Variants in TRHDE observed in about 807,000 individuals in gnomAD.
TRHDE encodes thyrotropin-releasing hormone-degrading ectoenzyme.
In TRHDE, 72 loss-of-function variants were observed where a neutral mutation model predicts 125.7. That is an observed-to-expected ratio of 0.57 (90% confidence interval 0.47 to 0.70). The LOEUF (loss-of-function observed/expected upper bound fraction) is 0.70. Ranked by LOEUF, TRHDE falls within the 30% of genes least tolerant of loss-of-function variation. The pLI is 0.00. For missense variants in TRHDE, 1,110 were observed against 1,327.1 expected (o/e 0.84, Z 2.54); for synonymous variants, 509 against 509.1 (o/e 1.00, Z 0.00).
intron 2 of TRHDE, among the ~76,000 whole-genome samples, chr12:72,295,285 G>C (rs577019159): frequency 7.2e-5 from 11 of 152,214 alleles, no homozygotes; most frequent in Admixed American, 6.5e-4. Context: ...CAGGGCTCCT[G>C]CTTGTCCCTG....
chr12:72,291,219 C>G (rs559548867), intron 2 of TRHDE, among the ~76,000 whole-genome samples: 25 of 152,268 alleles, frequency 1.6e-4, no homozygotes, highest in Non-Finnish European at 1.5e-5. Context: ...ACGAAAGATA[C>G]AAGCTACCTT....
At chr12:72,108,005 C>T (rs553175708) in intron 2 of TRHDE, among the ~76,000 whole-genome samples, 1 of 152,112 alleles carries the variant, frequency 6.6e-6, no homozygotes, top group East Asian at 1.9e-4. Context: ...TTTCACAGTT[C>T]AAGTACAAAT....
chr12:72,185,094 G>A (rs1193391824), intron 2 of TRHDE, among the ~76,000 whole-genome samples: 2 of 152,206 alleles, frequency 1.3e-5, no homozygotes, highest in Admixed American at 1.3e-4. Flanking sequence ...GCCAGCTGGA[G>A]TTCTGGGTGG....
chr12:72,391,401 A>G (rs1002390884), intron 3 of TRHDE, among the ~76,000 whole-genome samples: 17 of 152,170 alleles, frequency 1.1e-4, no homozygotes, highest in Admixed American at 7.2e-4. Context: ...AAGCTTTTTA[A>G]AGGGTGATTT....
At chr12:72,140,383 C>G (rs1876085633) in intron 2 of TRHDE, 1 of 152,360 alleles carries the variant, frequency 6.6e-6, no homozygotes, top group African/African-American at 2.4e-5. Context: ...TGGAATCCAC[C>G]CCCACCCCCG....
At chr12:72,212,085 G>T (rs7315442) in intron 2 of TRHDE, among the ~76,000 whole-genome samples, 17,900 of 152,006 alleles carry the variant, frequency 0.12, 1,841 homozygotes, top group African/African-American at 0.28. Flanking sequence ...TAAACCAGCA[G>T]GCTAGAAGTA....
At position 72,652,997 on chromosome 12, in the gene TRHDE, C is replaced by T. The variant is rs1345206709; in HGVS notation, c.2844-19C>T. 1 of 1,577,970 alleles carries T rather than the reference C, an allele frequency of 6.3e-7. No individual in the cohort carries two copies. Among genetic ancestry groups the T allele is most frequent in the Non-Finnish European group, 8.6e-7 (1 of 1,165,798 alleles). On this transcript the variant is annotated intron_variant, in intron 16 of 18. Coordinates refer to ENST00000261180, the MANE Select transcript of TRHDE (RefSeq NM_013381.3). Reference sequence around the variant, plus strand: ...TAAGTTATTGGACTAAAAATTTTTACAAAATTCTATCTTTGAAGGCTTCTA... The same window carrying T: ...TAAGTTATTGGACTAAAAATTTTTATAAAATTCTATCTTTGAAGGCTTCTA...
At chr12:72,098,888 G>A (rs1267738590) in intron 1 of TRHDE, among the ~76,000 whole-genome samples, 1 of 152,136 alleles carries the variant, frequency 6.6e-6, no homozygotes, top group East Asian at 1.9e-4. Context: ...ATCACTGTCT[G>A]GGCTTCGTGG....
At chr12:72,636,301 G>A (rs1036829677) in intron 15 of TRHDE, among the ~76,000 whole-genome samples, 8 of 150,468 alleles carry the variant, frequency 5.3e-5, no homozygotes, top group East Asian at 1.9e-4. Flanking sequence ...TTGGCTCTCT[G>A]TTTGTCTGTT....
intron 6 of TRHDE, among the ~76,000 whole-genome samples, chr12:72,514,553 G>T (rs1386933508): frequency 1.3e-5 from 2 of 151,506 alleles, no homozygotes; most frequent in Non-Finnish European, 2.9e-5. Flanking sequence ...TTATGCAGGA[G>T]ACATAAAGAT....
chr12:72,439,384 T>C (rs1303520440), intron 3 of TRHDE, among the ~76,000 whole-genome samples: 1 of 151,948 alleles, frequency 6.6e-6, no homozygotes, highest in Non-Finnish European at 1.5e-5. Flanking sequence ...ATAAATTGCT[T>C]TGAGTAATAT....
chr12:72,323,086 C>T (rs1358342245), intron 2 of TRHDE, among the ~76,000 whole-genome samples: 1 of 152,046 alleles, frequency 6.6e-6, no homozygotes, highest in Non-Finnish European at 1.5e-5. Flanking sequence ...ATTTAGTGCT[C>T]ATGTGGTTCC....
At chr12:72,131,332 A>G (rs1458282541) in intron 2 of TRHDE, among the ~76,000 whole-genome samples, 2 of 151,826 alleles carry the variant, frequency 1.3e-5, no homozygotes, top group Admixed American at 6.6e-5. Flanking sequence ...TCGGCCTCCC[A>G]AAGTGCTGGA....
At chr12:72,199,530 A>G (rs1000506541) in intron 2 of TRHDE, among the ~76,000 whole-genome samples, 2 of 152,314 alleles carry the variant, frequency 1.3e-5, no homozygotes, top group East Asian at 1.9e-4. Flanking sequence ...CACATGGAGG[A>G]TGAGAATATG....
chr12:72,598,887 CT>C (rs112424069), intron 12 of TRHDE, among the ~76,000 whole-genome samples: 2,555 of 152,112 alleles, frequency 0.017, 72 homozygotes, highest in African/African-American at 0.058. Context: ...TCGTCCCTCC[CT>C]TACCCCTCTA....
chr12:72,273,429 A>G lies in TRHDE; in HGVS notation c.786A>G (p.Leu262=). ...TCCTCTACCCGCAAACCCAGGTCTT[A>G]GTGGTGGTGCTGAATAGGACACTGG... is the stretch of plus-strand genomic sequence containing the variant. ...GFFLYPQTQV[L]VVVLNRTLDA... The change falls in exon 1 of 19, where the codon TTA becomes TTG. Residue 262 remains leucine, a synonymous_variant. Transcript: ENST00000261180. The surrounding 1 kb of genome is among the most constrained non-coding windows in gnomAD (Gnocchi z 5.3). 1 of 1,614,074 alleles carries G rather than the reference A, an allele frequency of 6.2e-7. No homozygotes were observed. The highest frequency in any genetic ancestry group is 8.5e-7 in the Non-Finnish European group (1 of 1,180,030).
At chr12:72,638,685 T>C (rs1487910786) in intron 15 of TRHDE, among the ~76,000 whole-genome samples, 2 of 152,106 alleles carry the variant, frequency 1.3e-5, no homozygotes, top group Non-Finnish European at 2.9e-5. Context: ...CAGGAGCTCT[T>C]TTAGGGCAGG....
chr12:72,208,909 G>A (rs935962688), intron 2 of TRHDE, among the ~76,000 whole-genome samples: 1 of 152,080 alleles, frequency 6.6e-6, no homozygotes, highest in Non-Finnish European at 1.5e-5. Context: ...ACTCTTCTTA[G>A]AGTCTGAAAC....
chr12:72,612,048 CT>C (rs1207950930), intron 12 of TRHDE, among the ~76,000 whole-genome samples: 2 of 152,160 alleles, frequency 1.3e-5, no homozygotes, highest in Non-Finnish European at 2.9e-5. Context: ...ATACCCTAAC[CT>C]TTTTCCTCAG....
Sources: gnomAD v4.1 joint callset for allele counts (sites outside exome capture counted in the v4.1 genomes callset) on GRCh38, gnomAD v4.1.1 for gene constraint, Gnocchi (gnomAD v3.1) non-coding constraint, MANE v1.5 for transcripts, NCBI Gene and HGNC (gene_info 2026-07-23, HGNC 2026-07-21) for gene names.